ERBB3: variants seen among roughly 807,000 people sequenced by gnomAD.
ERBB3 encodes receptor tyrosine-protein kinase erbB-3.
ERBB3 carries 96 observed loss-of-function variants against 156.7 expected under a neutral mutation model. The observed-to-expected ratio is 0.61, with a 90% CI of 0.52 to 0.73. ERBB3 has a LOEUF of 0.73. ERBB3 is among the 30% of genes least tolerant of loss of function. The probability of loss-of-function intolerance (pLI) is 0.00; values close to 1 mark genes in which losing one functional copy is unlikely to be tolerated. For missense variants in ERBB3, 1,406 were observed against 1,709.4 expected (o/e 0.82, Z 3.13); for synonymous variants, 567 against 632.0 (o/e 0.90, Z 1.54).
chr12:56,082,944 A>G (rs1159268878), intron 1 of ERBB3, among the ~76,000 whole-genome samples: 4 of 152,164 alleles, frequency 2.6e-5, no homozygotes, highest in Non-Finnish European at 5.9e-5. Context: ...TAGGGCTGGA[A>G]AGTGATGCTG....
At position 56,102,651 on chromosome 12, in the gene ERBB3, T is replaced by C; in HGVS notation, c.*596T>C. On this transcript the variant is annotated 3_prime_UTR_variant, in exon 28 of 28. Transcript: ENST00000267101. Reference sequence around the variant, plus strand: ...TCCTTTATCATCCTTAAAACAATTCTGTGACATACATATTATCTCATTTTA... The same window carrying C: ...TCCTTTATCATCCTTAAAACAATTCCGTGACATACATATTATCTCATTTTA... 1 of 232,040 alleles carries C rather than the reference T, an allele frequency of 4.3e-6. No individual in the cohort carries two copies. Among genetic ancestry groups the C allele is most frequent in the Non-Finnish European group, 8.5e-6 (1 of 117,424 alleles). The allele number at this position is 232,040 out of a possible 1,614,324, so 14.4% of individuals were successfully genotyped here. A position where few individuals can be genotyped will look rare whatever the true frequency, so the allele number is the denominator to read the frequency against.
intron 20 of ERBB3, 69 bp from the exon 21 acceptor site, chr12:56,097,715 TG>T (rs2136819525): frequency 6.6e-7 from 1 of 1,516,838 alleles, no homozygotes. Context: ...CTTCAAGATT[TG>T]GGGGAATTCC....
At position 56,102,866 on chromosome 12, in the gene ERBB3, T is replaced by C. The variant is rs1869171208; in HGVS notation, c.*811T>C. ...AACTGGGTGCAGTGGCTCATGCCTG[T>C]AATCCCAGCCAGCACTTTGGGAGGC... On this transcript the variant is annotated 3_prime_UTR_variant, in exon 28 of 28. Coordinates refer to ENST00000267101, the MANE Select transcript of ERBB3 (RefSeq NM_001982.4). The C allele has an allele frequency of 9.8e-6, 2 of 203,924 alleles. No individual in the cohort carries two copies. Among genetic ancestry groups the C allele is most frequent in the Admixed American group, 1.3e-4 (2 of 15,762 alleles). 12.6% of individuals were successfully genotyped at this position (203,924 alleles called of 1,614,324 possible). A position where few individuals can be genotyped will look rare whatever the true frequency, so the allele number is the denominator to read the frequency against.
At chr12:56,100,095 G>C in intron 25 of ERBB3, 66 bp downstream of exon 25, 4 of 1,593,540 alleles carry the variant, frequency 2.5e-6, no homozygotes, top group East Asian at 2.2e-5. Context: ...CAGATACCCA[G>C]ATTAACTACT....
chr12:56,102,828 A>AC lies in ERBB3; in HGVS notation c.*773_*774insC, dbSNP rs1555212769. ...CTTTAAAAAAAAAAAAAAAAAAAAA[A>AC]AAAAAACTTTAGAACTGGGTGCAGT... On this transcript the variant is annotated 3_prime_UTR_variant, in exon 28 of 28. Coordinates refer to ENST00000267101, the MANE Select transcript of ERBB3 (RefSeq NM_001982.4). 3 of 214,780 alleles carry AC rather than the reference A, an allele frequency of 1.4e-5. No individual in the cohort carries two copies. The highest frequency in any genetic ancestry group is 6.7e-5 in the East Asian group (1 of 14,956). 13.3% of individuals were successfully genotyped at this position (214,780 alleles called of 1,614,324 possible). A position where few individuals can be genotyped will look rare whatever the true frequency, so the allele number is the denominator to read the frequency against.
At chr12:56,097,335 C>T (rs1386506077) in intron 20 of ERBB3, 105 bp downstream of exon 20, 14 of 1,091,658 alleles carry the variant, frequency 1.3e-5, no homozygotes, top group Middle Eastern at 2.8e-4. Flanking sequence ...CCCCAACCCC[C>T]GGGCTGCAGA....
At chr12:56,087,249 C>G (rs1868516432) in intron 4 of ERBB3, among the ~76,000 whole-genome samples, 1 of 152,174 alleles carries the variant, frequency 6.6e-6, no homozygotes, top group Middle Eastern at 3.2e-3. Flanking sequence ...AGCCCACCTT[C>G]CCCTGACCAT....
rs1219696574 is a variant in ERBB3 at position 56,097,893 on chromosome 12, G to C, written c.2569G>C (p.Asp857His). The C allele has an allele frequency of 8.7e-6, 14 of 1,613,806 alleles. No homozygotes were observed. Among genetic ancestry groups the C allele is most frequent in the African/African-American group, 2.7e-5 (2 of 74,894 alleles). The change falls in exon 21 of 28, where the codon GAC (aspartate) becomes CAC (histidine). Residue 857 changes from aspartate to histidine, a missense_variant. By Grantham distance (81) the Asp-to-His change is moderately conservative. Transcript: ENST00000267101. Reference sequence around the variant, plus strand: ...TCAGGTGGCAGATTTTGGTGTGGCTGACCTGCTGCCTCCTGATGATAAGCA... The same window carrying C: ...TCAGGTGGCAGATTTTGGTGTGGCTCACCTGCTGCCTCCTGATGATAAGCA... Reference protein sequence around the residue: ...QVQVADFGVADLLPPDDKQLL... With the variant: ...QVQVADFGVAHLLPPDDKQLL...
chr12:56,100,025 G>A lies in ERBB3; in HGVS notation c.3125G>A (p.Arg1042His), dbSNP rs759751183. 22 of 1,614,198 alleles carry A rather than the reference G, an allele frequency of 1.4e-5. No homozygotes were observed. Among genetic ancestry groups the A allele is most frequent in the East Asian group, 2.2e-5 (1 of 44,888 alleles). Residue 1042 changes from arginine to histidine, a missense_variant, in exon 25 of 28, where the codon CGT (arginine) becomes CAT (histidine). Physicochemically the swap from Arg to His is conservative, Grantham distance 29 (BLOSUM62 0). Coordinates refer to ENST00000267101, the MANE Select transcript of ERBB3 (RefSeq NM_001982.4). The part of the protein sequence containing the change: ...SLPVGTLNRP[R>H]GSQSLLSPSS... Reference sequence around the variant, plus strand: ...CCAGTTGGAACACTTAATCGGCCACGTGGGGTAAGACAACTTCTAATTACC... The same window carrying A: ...CCAGTTGGAACACTTAATCGGCCACATGGGGTAAGACAACTTCTAATTACC...
chr12:56,083,758 T>C lies in ERBB3; in HGVS notation c.90T>C (p.Pro30=), dbSNP rs746211618. 9.9e-6 allele frequency: 16 copies of C among 1,614,096 alleles called. No homozygotes were observed. The highest frequency in any genetic ancestry group is 1.3e-5 in the Non-Finnish European group (15 of 1,179,986). The part of the protein sequence containing the change: ...SEVGNSQAVC[P]GTLNGLSVTG... Reference sequence around the variant, plus strand: ...TCCCTCTGCTTTGAACAGTGTGTCCTGGGACTCTGAATGGCCTGAGTGTGA... The same window carrying C: ...TCCCTCTGCTTTGAACAGTGTGTCCCGGGACTCTGAATGGCCTGAGTGTGA... The change falls in exon 2 of 28, where the codon CCT becomes CCC. Residue 30 remains proline (P), a synonymous_variant. Transcript: ENST00000267101.
At chr12:56,093,308 A>C in intron 11 of ERBB3, 37 bp from the exon 12 acceptor site, 1 of 1,549,118 alleles carries the variant, frequency 6.5e-7, no homozygotes, top group Non-Finnish European at 8.9e-7. Flanking sequence ...ATGTTCCCTT[A>C]GTAGTCTCTC....
chr12:56,097,019 T>G (rs542865599), intron 19 of ERBB3, 26 bp from the exon 20 acceptor site: 1 of 1,612,424 alleles, frequency 6.2e-7, no homozygotes, highest in Admixed American at 1.7e-5. Context: ...GTTGGTTTCC[T>G]AGATAATACC....
chr12:56,093,966 A>T (rs780257144), intron 13 of ERBB3, 70 bp downstream of exon 13: 2 of 1,601,558 alleles, frequency 1.2e-6, no homozygotes, highest in East Asian at 2.2e-5. Context: ...CAGGTGGCAT[A>T]CAATAAAAGT....
At position 56,093,327 on chromosome 12, in the gene ERBB3, C is replaced by G; in HGVS notation, c.1275-18C>G. Reference sequence around the variant, plus strand: ...TCCCTTAGTAGTCTCTCCTCTCATCCTGTCTCCTTATTCTCAGCCGGGGCT... The same window carrying G: ...TCCCTTAGTAGTCTCTCCTCTCATCGTGTCTCCTTATTCTCAGCCGGGGCT... On this transcript the variant is annotated intron_variant, in intron 11 of 27. Coordinates refer to ENST00000267101, the MANE Select transcript of ERBB3 (RefSeq NM_001982.4). The G allele has an allele frequency of 1.9e-6, 3 of 1,604,544 alleles. No homozygotes were observed. The highest frequency in any genetic ancestry group is 2.6e-6 in the Non-Finnish European group (3 of 1,171,526).
rs757518347 is a variant in ERBB3, at chr12:56,094,550, C to T, written c.1853C>T (p.Thr618Ile). The change falls in exon 15 of 28, where the codon ACC becomes ATC. Residue 618 changes from threonine to isoleucine, a missense_variant. Thr to Ile is a moderately conservative substitution (Grantham distance 89). Coordinates refer to ENST00000267101, the MANE Select transcript of ERBB3 (RefSeq NM_001982.4). ...NECRPCHENC[T>I]QGCKGPELQD... Reference sequence around the variant, plus strand: ...TGTCGGCCCTGCCATGAGAACTGCACCCAGGGGTCAGTGATGGGATAATAA... The same window carrying T: ...TGTCGGCCCTGCCATGAGAACTGCATCCAGGGGTCAGTGATGGGATAATAA... 4 of 1,613,878 alleles carry T rather than the reference C, an allele frequency of 2.5e-6. No homozygotes were observed. In the East Asian group the frequency reaches 8.9e-5, roughly 36 times the overall value.
chr12:56,100,377 C>T (rs757452611), intron 26 of ERBB3, 132 bp downstream of exon 26: 4 of 783,110 alleles, frequency 5.1e-6, no homozygotes, highest in African/African-American at 1.7e-5. Flanking sequence ...CGAGTTGGCT[C>T]ACACCTGTAA....
chr12:56,093,569 TA>T lies in ERBB3; in HGVS notation c.1480+20del. 6.2e-7 allele frequency: 1 copy of T among 1,604,360 alleles called. No individual in the cohort carries two copies. On this transcript the variant is annotated intron_variant, in intron 12 of 27. Coordinates refer to ENST00000267101, the MANE Select transcript of ERBB3 (RefSeq NM_001982.4). ...GACTGCGGTGAGGGAAAGGGTCTGC[TA>T]GGTGGTGAGAATAGGGAGTCAGGGA... is the stretch of plus-strand genomic sequence containing the variant.
chr12:56,095,851 T>C, intron 17 of ERBB3, 45 bp downstream of exon 17: 5 of 1,610,498 alleles, frequency 3.1e-6, no homozygotes, highest in Non-Finnish European at 4.2e-6. Flanking sequence ...TTTTTTTGCA[T>C]GTCCTGGAAG....
In ERBB3 at chr12:56,083,801, C is replaced by A; in HGVS notation, c.133C>A (p.Gln45Lys). 6.2e-7 allele frequency: 1 copy of A among 1,614,096 alleles called. No homozygotes were observed. The change falls in exon 2 of 28, where the codon CAA becomes AAA. Residue 45 changes from glutamine (Q) to lysine (K), a missense_variant. Gln to Lys is a moderately conservative substitution (Grantham distance 53). This residue lies in a region of ERBB3 where 979 missense variants were observed against 1,219.6 expected (regional missense o/e 0.80). Coordinates refer to ENST00000267101, the MANE Select transcript of ERBB3 (RefSeq NM_001982.4). Reference protein sequence around the residue: ...GLSVTGDAENQYQTLYKLYER... With the variant: ...GLSVTGDAENKYQTLYKLYER... ...GAGTGTGACCGGCGATGCTGAGAAC[C>A]AATACCAGACACTGTACAAGCTCTA...
Sources: allele counts gnomAD v4.1 joint callset (sites outside exome capture counted in the v4.1 genomes callset), GRCh38; gene constraint gnomAD v4.1.1; regional missense constraint gnomAD v4.1.1; transcripts MANE v1.5; gene names NCBI Gene and HGNC (gene_info 2026-07-23, HGNC 2026-07-21).